The following PFKP variants were observed in gnomAD, a reference collection of about 807,000 sequenced individuals.
PFKP encodes the protein ATP-dependent 6-phosphofructokinase, platelet type.
In PFKP, 101 loss-of-function variants were observed where a neutral mutation model predicts 94.3. That is an observed-to-expected ratio of 1.07 (90% CI 0.91 to 1.26). The LOEUF (loss-of-function observed/expected upper bound fraction) is 1.26. Ranked by LOEUF, PFKP falls within the 50% of genes most tolerant of loss-of-function variation. The probability of loss-of-function intolerance (pLI) is 0.00; values close to 1 mark genes in which losing one functional copy is unlikely to be tolerated. For synonymous variants in PFKP, 573 were observed against 432.6 expected (o/e 1.32, Z -4.03); for missense variants, 1,145 against 1,103.3 (o/e 1.04, Z -0.53).
chr10:3,088,996 G>A lies in PFKP; in HGVS notation c.186+6535G>A, dbSNP rs556969045. On this transcript the variant is annotated intron_variant, in intron 2 of 21. Transcript: ENST00000381125. ...GCCCAGGCTGGAGTGCAATGGCCCA[G>A]TCTTCGCTCACTGCAACCTCTGCCT... 6.6e-5 allele frequency among the ~76,000 whole-genome samples: 10 copies of A among 152,140 alleles called. No homozygotes were observed. The South Asian group carries it at 1.9e-3, about 28-fold the overall frequency.
intron 7 of PFKP, among the ~76,000 whole-genome samples, chr10:3,106,089 G>C (rs909443252): frequency 9.2e-5 from 14 of 152,216 alleles, no homozygotes; most frequent in Admixed American, 6.5e-5. Context: ...ACTCTCTGCT[G>C]CTGGAGCCTG....
intron 2 of PFKP, among the ~76,000 whole-genome samples, chr10:3,093,892 C>T (rs1044681853): frequency 1.2e-4 from 18 of 152,164 alleles, no homozygotes; most frequent in Non-Finnish European, 2.2e-4. Context: ...ATCCGCCCGC[C>T]TTGGCCTCCC....
intron 5 of PFKP, 55 bp downstream of exon 5, chr10:3,103,999 C>G: frequency 6.5e-7 from 1 of 1,534,620 alleles, no homozygotes; most frequent in Non-Finnish European, 8.9e-7. Flanking sequence ...GTGTGCCCAG[C>G]TCAGACGTTA....
intron 1 of PFKP, among the ~76,000 whole-genome samples, chr10:3,074,196 A>G (rs1486477451): frequency 6.6e-6 from 1 of 152,192 alleles, no homozygotes; most frequent in African/African-American, 2.4e-5. Flanking sequence ...TGGGTGAGTC[A>G]GGACAGGATT....
intron 1 of PFKP, chr10:3,070,400 C>A (rs1469465818): frequency 1.3e-5 from 2 of 152,140 alleles, no homozygotes; most frequent in Admixed American, 1.3e-4. Flanking sequence ...CTTGATTTTC[C>A]CTGACATAGA....
In PFKP at chr10:3,115,425, TG is replaced by T. The variant is rs1564327479; in HGVS notation, c.1372-1349del. On this transcript the variant is annotated intron_variant, in intron 13 of 21. Coordinates refer to ENST00000381125, the MANE Select transcript of PFKP (RefSeq NM_002627.5). The stretch of plus-strand genomic sequence containing the variant: ...CGGGGTGAAGGTGTGTGTCCCGCCA[TG>T]GAGGACAGGACTGGGGATGCCGGGG... Among the ~76,000 whole-genome samples the T allele has an allele frequency of 1.3e-3, 13 of 10,384 alleles. 5 individuals carry two copies. The East Asian group carries it at 0.075, about 60-fold the overall frequency. 6.8% of individuals were successfully genotyped at this position (10,384 alleles called of 152,430 possible). A position where few individuals can be genotyped will look rare whatever the true frequency, so the allele number is the denominator to read the frequency against.
At position 3,119,936 on chromosome 10, in the gene PFKP, C is replaced by G; in HGVS notation, c.1575C>G (p.His525Gln). 1 of 1,614,104 alleles carries G rather than the reference C, an allele frequency of 6.2e-7. No homozygotes were observed. Residue 525 changes from histidine (H) to glutamine (Q), a missense_variant, in exon 16 of 22, where the codon CAC becomes CAG. His to Gln is a conservative substitution (Grantham distance 24). Coordinates refer to ENST00000381125, the MANE Select transcript of PFKP (RefSeq NM_002627.5). ...LLELSAAREK[H>Q]EEFCVPMVMV... ...AGCTGTCAGCCGCCCGGGAGAAGCACGAGGAGTTCTGTGTCCCCATGGTCA... is the reference window on the plus strand; with the variant it reads ...AGCTGTCAGCCGCCCGGGAGAAGCAGGAGGAGTTCTGTGTCCCCATGGTCA...
At chr10:3,105,530 C>T (rs780709208) in intron 7 of PFKP, 29 bp downstream of exon 7, 86 of 1,459,154 alleles carry the variant, frequency 5.9e-5, no homozygotes, top group East Asian at 1.8e-4. Context: ...CCGTTGATAG[C>T]GGGCGATGCT....
At chr10:3,089,437 G>A (rs1371868464) in intron 2 of PFKP, among the ~76,000 whole-genome samples, 2 of 151,964 alleles carry the variant, frequency 1.3e-5, no homozygotes, top group Admixed American at 6.6e-5. Context: ...TCTTTCTGCC[G>A]ATTCCCTTTC....
At chr10:3,080,071 T>C (rs371966093) in intron 1 of PFKP, among the ~76,000 whole-genome samples, 1 of 150,280 alleles carries the variant, frequency 6.7e-6, no homozygotes, top group East Asian at 2.0e-4. Context: ...GCAAGAGCAC[T>C]GGTGGGACTG....
At chr10:3,098,602 G>T (rs1169560050) in intron 2 of PFKP, among the ~76,000 whole-genome samples, 1 of 147,818 alleles carries the variant, frequency 6.8e-6, no homozygotes, top group Non-Finnish European at 1.5e-5. Context: ...TTCAACCCGG[G>T]AGGCAGGTTG....
intron 16 of PFKP, among the ~76,000 whole-genome samples, chr10:3,126,292 C>T (rs528658377): frequency 2.6e-5 from 4 of 152,350 alleles, no homozygotes; most frequent in Admixed American, 1.3e-4. Context: ...GGCCATCTCT[C>T]TCCTAGGCTT....
chr10:3,113,618 A>G (rs887071577), intron 13 of PFKP, 100 bp downstream of exon 13: 14 of 876,744 alleles, frequency 1.6e-5, no homozygotes, highest in Non-Finnish European at 1.7e-6. Flanking sequence ...ATACCTTTTC[A>G]TGCCTCAGTC....
intron 13 of PFKP, among the ~76,000 whole-genome samples, chr10:3,115,238 C>G (rs111966087): frequency 0.038 from 3,597 of 94,338 alleles, 282 homozygotes; most frequent in African/African-American, 0.12. Flanking sequence ...GTCCCACGGC[C>G]GAGGACAGGA....
At chr10:3,113,603 C>A in intron 13 of PFKP, 85 bp downstream of exon 13, 1 of 1,149,760 alleles carries the variant, frequency 8.7e-7, no homozygotes. Context: ...CCCTCCATGG[C>A]CCTCATACCT....
chr10:3,092,467 A>C (rs188243073), intron 2 of PFKP, among the ~76,000 whole-genome samples: 14 of 152,096 alleles, frequency 9.2e-5, no homozygotes, highest in African/African-American at 3.1e-4. Context: ...ATAGCGGAGT[A>C]GGCTGGCTGT....
intron 2 of PFKP, among the ~76,000 whole-genome samples, chr10:3,098,761 C>T (rs867365341): frequency 2.0e-5 from 3 of 151,662 alleles, no homozygotes; most frequent in Non-Finnish European, 4.4e-5. Flanking sequence ...AATGCAGCAC[C>T]GTGTCATTAA....
intron 21 of PFKP, 67 bp from the exon 22 acceptor site, chr10:3,136,383 T>A: frequency 6.4e-7 from 1 of 1,570,320 alleles, no homozygotes; most frequent in Non-Finnish European, 8.7e-7. Flanking sequence ...CTCGCTGTGC[T>A]GGCCAGGCGG....
At chr10:3,103,713 TA>T in intron 4 of PFKP, 65 bp from the exon 5 acceptor site, 1 of 1,564,744 alleles carries the variant, frequency 6.4e-7, no homozygotes. Context: ...GCCTCACCCC[TA>T]GTGGGGCACC....
Sources: allele counts gnomAD v4.1 joint callset (sites outside exome capture counted in the v4.1 genomes callset), GRCh38; gene constraint gnomAD v4.1.1; transcripts MANE v1.5; gene names NCBI Gene and HGNC (gene_info 2026-07-23, HGNC 2026-07-21).